KIAA2012: variants seen among roughly 807,000 people sequenced by gnomAD.
KIAA2012 encodes uncharacterized protein KIAA2012.
Under a neutral mutation model 150.6 loss-of-function variants are expected in KIAA2012, and 125 were observed. That is an observed-to-expected ratio of 0.83 (90% CI 0.72 to 0.96). The LOEUF is 0.96. Among genes scored for constraint, KIAA2012 ranks in the 40% least tolerant of loss-of-function variants. The pLI is 0.00. For missense variants in KIAA2012, 1,219 were observed against 1,354.9 expected (o/e 0.90, Z 1.57); for synonymous variants, 462 against 504.7 (o/e 0.92, Z 1.13).
intron 15 of KIAA2012, among the ~76,000 whole-genome samples, chr2:202,177,136 G>C (rs1056127821): frequency 6.6e-6 from 1 of 151,930 alleles, no homozygotes; most frequent in African/African-American, 2.4e-5. Flanking sequence ...TATTAATATG[G>C]GTTAATCCCA....
At chr2:202,087,499 C>T (rs1332233717) in intron 2 of KIAA2012, among the ~76,000 whole-genome samples, 1 of 89,786 alleles carries the variant, frequency 1.1e-5, no homozygotes, top group African/African-American at 4.5e-5. Context: ...GTTGACAAAG[C>T]GAAACCATCT....
chr2:202,086,183 A>AAG lies in KIAA2012; in HGVS notation c.370-4586_370-4585insGA, dbSNP rs1553550440. Among the ~76,000 whole-genome samples, 885 of 150,358 alleles carry AAG rather than the reference A, an allele frequency of 5.9e-3. 10 individuals carry two copies. Among genetic ancestry groups the AAG allele is most frequent in the Middle Eastern group, 0.021 (6 of 292 alleles). Reference sequence around the variant, plus strand: ...ACTCTGTCTCAAAAAAAAAAAAAAAAAAAGAAAGAAAGAAAAGAAAAAGAA... The same window carrying AAG: ...ACTCTGTCTCAAAAAAAAAAAAAAAAAGAAAGAAAGAAAGAAAAGAAAAAGAA... On this transcript the variant is annotated intron_variant, in intron 2 of 23. Coordinates refer to ENST00000498697, the MANE Select transcript of KIAA2012 (RefSeq NM_001277372.4).
chr2:202,169,547 T>C (rs1172354999), intron 15 of KIAA2012, among the ~76,000 whole-genome samples: 1 of 152,210 alleles, frequency 6.6e-6, no homozygotes, highest in East Asian at 1.9e-4. Context: ...CAGCAGCCAA[T>C]GCCCTCATTA....
At chr2:202,073,951 A>G (rs1031644708) in intron 1 of KIAA2012, among the ~76,000 whole-genome samples, 3 of 151,472 alleles carry the variant, frequency 2.0e-5, no homozygotes, top group African/African-American at 7.3e-5. Flanking sequence ...CTTGGACCAA[A>G]GGAGATTCCA....
At chr2:202,143,199 C>T (rs1691228816) in intron 13 of KIAA2012, among the ~76,000 whole-genome samples, 1 of 151,326 alleles carries the variant, frequency 6.6e-6, no homozygotes, top group African/African-American at 2.4e-5. Flanking sequence ...ATTCTCTTAC[C>T]TCAGCCTCCC....
At chr2:202,133,130 A>ATATATATATATATTTTTTTTTTTTTTTT (rs1279080237) in intron 12 of KIAA2012, among the ~76,000 whole-genome samples, 17 of 67,712 alleles carry the variant, frequency 2.5e-4, no homozygotes, top group Non-Finnish European at 4.7e-4. Context: ...ATATATATAT[A>ATATATATATATATTTTTTTTTTTTTTTT]TTTTTTTTTT....
rs1689699476 is a variant in KIAA2012 at position 202,090,816 on chromosome 2, AG to A, written c.417del (p.Gln139HisfsTer111). Reference sequence around the variant, plus strand: ...CAACCATACCTCCACTTCCGAAGCCAGCTGGAGAGCCAGGCCCAACGGCAGA... The same window carrying A: ...CAACCATACCTCCACTTCCGAAGCCACTGGAGAGCCAGGCCCAACGGCAGA... ...AWQPYLHFRS[Q>X]LESQAQRQIQ... On this transcript the variant is annotated frameshift_variant, in exon 3 of 24. Coordinates refer to ENST00000498697, the MANE Select transcript of KIAA2012 (RefSeq NM_001277372.4). LOFTEE classifies it high-confidence loss of function. 1 of 1,550,488 alleles carries A rather than the reference AG, an allele frequency of 6.4e-7. No individual in the cohort carries two copies. The highest frequency in any genetic ancestry group is 1.4e-5 in the African/African-American group (1 of 73,064).
intron 12 of KIAA2012, among the ~76,000 whole-genome samples, chr2:202,132,802 A>ATATATATTT (rs1473790947): frequency 2.3e-4 from 22 of 94,684 alleles, no homozygotes; most frequent in African/African-American, 7.3e-4. Flanking sequence ...ATATATATAT[A>ATATATATTT]TTTTTTTTTT....
rs1690134254 is a variant in KIAA2012 at position 202,104,648 on chromosome 2, C to G, written c.1325-1113C>G. 6.6e-6 allele frequency among the ~76,000 whole-genome samples: 1 copy of G among 152,216 alleles called. No individual in the cohort carries two copies. The highest frequency in any genetic ancestry group is 1.5e-5 in the Non-Finnish European group (1 of 68,048). Reference sequence around the variant, plus strand: ...TCTGGTACTGGCCCTCTGATAATTACAGCAGGCAGATAGTAGCCTGGGAAT... The same window carrying G: ...TCTGGTACTGGCCCTCTGATAATTAGAGCAGGCAGATAGTAGCCTGGGAAT... On this transcript the variant is annotated intron_variant, in intron 8 of 23. Coordinates refer to ENST00000498697, the MANE Select transcript of KIAA2012 (RefSeq NM_001277372.4). This position sits in a 1 kb window ranked among gnomAD's most constrained non-coding sequence, Gnocchi z 4.3.
rs1027290701 is a variant in KIAA2012, at chr2:202,097,492, C to T, written c.743C>T (p.Pro248Leu). 1 of 1,550,400 alleles carries T rather than the reference C, an allele frequency of 6.4e-7. No homozygotes were observed. The highest frequency in any genetic ancestry group is 1.4e-5 in the African/African-American group (1 of 73,016). Residue 248 changes from proline to leucine, a missense_variant, in exon 5 of 24, where the codon CCT (proline) becomes CTT (leucine). Transcript: ENST00000498697. ...AGAAGHVDQG[P>L]LAKNHGSQGT... Reference sequence around the variant, plus strand: ...GCTGCTGGACACGTGGACCAGGGCCCTCTAGCCAAGAACCATGGCAGTCAG... The same window carrying T: ...GCTGCTGGACACGTGGACCAGGGCCTTCTAGCCAAGAACCATGGCAGTCAG...
In KIAA2012 at chr2:202,196,783, C is replaced by G. The variant is rs1401044203; in HGVS notation, c.3188-17C>G. The stretch of plus-strand genomic sequence containing the variant: ...AAAATGATCCCTGCTGAGCCCACCC[C>G]CTTTTCTATTCTGCAGAGGCAGAGA... On this transcript the variant is annotated splice_polypyrimidine_tract_variant and intron_variant, in intron 21 of 23. Transcript: ENST00000498697. 1.3e-6 allele frequency: 2 copies of G among 1,548,750 alleles called. No homozygotes were observed. The highest frequency in any genetic ancestry group is 2.4e-5 in the East Asian group (1 of 40,906).
At chr2:202,132,276 A>T (rs1046700969) in intron 12 of KIAA2012, among the ~76,000 whole-genome samples, 12 of 152,212 alleles carry the variant, frequency 7.9e-5, no homozygotes, top group Non-Finnish European at 1.5e-4. Flanking sequence ...TATTTTATAG[A>T]AATGACTCCC....
At chr2:202,139,451 A>G (rs1691152239) in intron 13 of KIAA2012, among the ~76,000 whole-genome samples, 1 of 152,162 alleles carries the variant, frequency 6.6e-6, no homozygotes, top group Non-Finnish European at 1.5e-5. Context: ...CCCAGGTCTC[A>G]TCCTACTGTG....
chr2:202,106,890 C>T (rs1015019526), intron 9 of KIAA2012, among the ~76,000 whole-genome samples: 3 of 152,094 alleles, frequency 2.0e-5, no homozygotes, highest in Admixed American at 2.0e-4. Context: ...CCAAAGGGCA[C>T]GTGCAAGATG....
intron 12 of KIAA2012, among the ~76,000 whole-genome samples, chr2:202,130,137 A>T (rs1311026240): frequency 1.3e-5 from 2 of 152,246 alleles, no homozygotes; most frequent in Non-Finnish European, 1.5e-5. Context: ...AGAGAAAGTG[A>T]AGTGGTCTAA....
chr2:202,076,144 G>C (rs1689319153), intron 2 of KIAA2012, among the ~76,000 whole-genome samples: 2 of 152,140 alleles, frequency 1.3e-5, no homozygotes, highest in African/African-American at 4.8e-5. Flanking sequence ...TCTCCCACTT[G>C]CCTAGGCAGA....
intron 15 of KIAA2012, among the ~76,000 whole-genome samples, chr2:202,165,766 C>A (rs1321905601): frequency 6.6e-6 from 1 of 152,132 alleles, no homozygotes; most frequent in African/African-American, 2.4e-5. Flanking sequence ...TGGATTTCAC[C>A]CTTAACTTGA....
intron 5 of KIAA2012, among the ~76,000 whole-genome samples, chr2:202,099,014 A>C (rs978142812): frequency 6.6e-6 from 1 of 151,718 alleles, no homozygotes. Flanking sequence ...GAGGGACACG[A>C]TCTTGCTCTC....
In KIAA2012 at chr2:202,202,523, T is replaced by C. The variant is rs1312677176; in HGVS notation, c.3502T>C (p.Trp1168Arg). 1.3e-5 allele frequency: 5 copies of C among 398,942 alleles called. No homozygotes were observed. Among genetic ancestry groups the C allele is most frequent in the Middle Eastern group, 6.2e-4 (1 of 1,610 alleles). 24.7% of individuals were successfully genotyped at this position (398,942 alleles called of 1,614,324 possible). A position where few individuals can be genotyped will look rare whatever the true frequency, so the allele number is the denominator to read the frequency against. ...GTGGACACAGAACATTTCCAGACCA[T>C]GGGTTTACTCTTATTTCCAGTTCCT... Reference protein sequence around the residue: ...LQWTQNISRPWVYSYFQFLQI... With the variant: ...LQWTQNISRPRVYSYFQFLQI... Residue 1168 changes from tryptophan to arginine, a missense_variant, in exon 23 of 24, where the codon TGG (tryptophan) becomes CGG (arginine). Physicochemically the swap from Trp to Arg is moderately radical, Grantham distance 101 (BLOSUM62 -3). Coordinates refer to ENST00000498697, the MANE Select transcript of KIAA2012 (RefSeq NM_001277372.4).
Sources: allele counts gnomAD v4.1 joint callset (sites outside exome capture counted in the v4.1 genomes callset), GRCh38; gene constraint gnomAD v4.1.1; non-coding constraint Gnocchi (gnomAD v3.1); transcripts MANE v1.5; gene names NCBI Gene and HGNC (gene_info 2026-07-23, HGNC 2026-07-21).